Variants in NUP214 observed in about 807,000 individuals in gnomAD.
NUP214 encodes the protein nuclear pore complex protein Nup214.
In NUP214, 79 loss-of-function variants were observed where a neutral mutation model predicts 196.2. The ratio of observed to expected loss-of-function variants is 0.40; its 90% CI spans 0.34 to 0.49. The LOEUF is 0.49. Ranked by LOEUF, NUP214 falls within the 20% of genes least tolerant of loss-of-function variation. The pLI is 0.58. For missense variants in NUP214, 2,468 were observed against 2,539.0 expected (o/e 0.97, Z 0.60); for synonymous variants, 1,020 against 990.5 (o/e 1.03, Z -0.56).
intron 14 of NUP214, among the ~76,000 whole-genome samples, chr9:131,149,145 AC>A (rs1832176812): frequency 7.6e-6 from 1 of 131,934 alleles, no homozygotes; most frequent in African/African-American, 2.8e-5. Context: ...CCTCTAACCA[AC>A]CCTTGTACCC....
intron 24 of NUP214, among the ~76,000 whole-genome samples, chr9:131,182,174 G>T (rs954428746): frequency 3.3e-5 from 5 of 152,172 alleles, no homozygotes; most frequent in African/African-American, 9.7e-5. Context: ...CTTAAAAATG[G>T]TTACTTTTAA....
rs934492557 is a variant in NUP214 at position 131,146,884 on chromosome 9, C to G, written c.1945+580C>G. Among the ~76,000 whole-genome samples, 10 of 150,946 alleles carry G rather than the reference C, an allele frequency of 6.6e-5. No individual in the cohort carries two copies. Among genetic ancestry groups the G allele is most frequent in the Admixed American group, 5.3e-4 (8 of 15,206 alleles). ...GGCAGAGATTGCAGGGAGTCGAGAT[C>G]ACGCCACTGCTCTCCAGCCTGGCGA... is the stretch of plus-strand genomic sequence containing the variant. On this transcript the variant is annotated intron_variant, in intron 13 of 35. Coordinates refer to ENST00000359428, the MANE Select transcript of NUP214 (RefSeq NM_005085.4). The surrounding 1 kb of genome is among the most constrained non-coding windows in gnomAD (Gnocchi z 4.6).
At position 131,125,849 on chromosome 9, in the gene NUP214, C is replaced by T; in HGVS notation, c.45+100C>T. The T allele has an allele frequency of 7.2e-7, 1 of 1,382,566 alleles. No individual in the cohort carries two copies. Among genetic ancestry groups the T allele is most frequent in the South Asian group, 1.3e-5 (1 of 79,310 alleles). The allele number at this position is 1,382,566 out of a possible 1,614,324, so 85.6% of individuals were successfully genotyped here. On this transcript the variant is annotated intron_variant, in intron 1 of 35. Coordinates refer to ENST00000359428, the MANE Select transcript of NUP214 (RefSeq NM_005085.4). This position sits in a 1 kb window ranked among gnomAD's most constrained non-coding sequence, Gnocchi z 4.1. ...GCGGTGCTGGCTGTCCCGCCTCCTG[C>T]TTGAACAGTTTACCGCGTTCACAGC... is the stretch of plus-strand genomic sequence containing the variant.
chr9:131,187,383 C>CTTTTTTTTTTTTTTTTTTTTTTTTGT lies in NUP214; in HGVS notation c.3495+40_3495+41insTTTGTTTTTTTTTTTTTTTTTTTTTT. 9.5e-7 allele frequency: 1 copy of CTTTTTTTTTTTTTTTTTTTTTTTTGT among 1,056,482 alleles called. No homozygotes were observed. The highest frequency in any genetic ancestry group is 1.3e-6 in the Non-Finnish European group (1 of 769,276). 65.4% of individuals were successfully genotyped at this position (1,056,482 alleles called of 1,614,324 possible). On this transcript the variant is annotated intron_variant, in intron 25 of 35. Coordinates refer to ENST00000359428, the MANE Select transcript of NUP214 (RefSeq NM_005085.4). ...CAAGCAGGTAACTTACTGATTTTTA[C>CTTTTTTTTTTTTTTTTTTTTTTTTGT]TTTTTTTTTTTTTTTTTTTTTGAGA...
chr9:131,201,572 A>G, intron 29 of NUP214, 75 bp from the exon 30 acceptor site: 1 of 1,304,772 alleles, frequency 7.7e-7, no homozygotes, highest in East Asian at 2.3e-5. Flanking sequence ...TCAAAAAAAA[A>G]AAACAACAAA....
At chr9:131,161,721 CAT>C (rs751611078) in intron 18 of NUP214, among the ~76,000 whole-genome samples, 2 of 152,186 alleles carry the variant, frequency 1.3e-5, no homozygotes, top group Non-Finnish European at 2.9e-5. Context: ...GCAAAATATA[CAT>C]AGAGTCACTT....
chr9:131,175,675 C>T, intron 23 of NUP214, 54 bp downstream of exon 23: 1 of 1,582,796 alleles, frequency 6.3e-7, no homozygotes, highest in South Asian at 1.1e-5. Flanking sequence ...CTGTCTGAGT[C>T]ACAGGCCAGG....
chr9:131,214,703 A>G (rs1468959123), intron 30 of NUP214, among the ~76,000 whole-genome samples: 1 of 152,232 alleles, frequency 6.6e-6, no homozygotes, highest in East Asian at 1.9e-4. Flanking sequence ...CAATGAAGCT[A>G]ATTTAAGCTT....
intron 32 of NUP214, among the ~76,000 whole-genome samples, chr9:131,225,725 G>A (rs936223396): frequency 5.9e-5 from 9 of 152,202 alleles, no homozygotes; most frequent in African/African-American, 1.7e-4. Flanking sequence ...CCGAGCAGAA[G>A]GAAGGGCTGC....
rs146374719 is a variant in NUP214 at position 131,131,777 on chromosome 9, C to T, written c.664-819C>T. ...CGTAATGGTTCACTGCAGCCTCAGC[C>T]TCCTGGGCTCAGGTGATCCTTCCAC... On this transcript the variant is annotated intron_variant, in intron 5 of 35. Transcript: ENST00000359428. Among the ~76,000 whole-genome samples, 3 of 152,156 alleles carry T rather than the reference C, an allele frequency of 2.0e-5. No individual in the cohort carries two copies. The East Asian group carries it at 5.8e-4, about 29-fold the overall frequency.
chr9:131,178,343 A>G lies in NUP214; in HGVS notation c.3352A>G (p.Asn1118Asp), dbSNP rs1833173337. The change falls in exon 24 of 36, where the codon AAT becomes GAT. Residue 1118 changes from asparagine to aspartate, a missense_variant. Coordinates refer to ENST00000359428, the MANE Select transcript of NUP214 (RefSeq NM_005085.4). ...VNTLTESTLK[N>D]VPQVVNVQEL... ...CACTTTGACTGAATCAACGTTGAAG[A>G]ATGTCCCTCAAGTGGTAAATGTGCA... 63 of 1,613,936 alleles carry G rather than the reference A, an allele frequency of 3.9e-5. No homozygotes were observed. Among genetic ancestry groups the G allele is most frequent in the Non-Finnish European group, 5.3e-5 (63 of 1,179,814 alleles).
intron 32 of NUP214, among the ~76,000 whole-genome samples, chr9:131,227,575 C>T (rs1385408707): frequency 1.3e-5 from 2 of 152,124 alleles, no homozygotes; most frequent in Admixed American, 1.3e-4. Flanking sequence ...TAAAAAGCAC[C>T]TGGCTGGGCG....
rs148259408 is a variant in NUP214 at position 131,159,628 on chromosome 9, C to T, written c.2540+142C>T. 23 of 690,062 alleles carry T rather than the reference C, an allele frequency of 3.3e-5. No homozygotes were observed. The East Asian group carries it at 5.1e-4, about 15-fold the overall frequency. 42.7% of individuals were successfully genotyped at this position (690,062 alleles called of 1,614,324 possible). On this transcript the variant is annotated intron_variant, in intron 18 of 35. Transcript: ENST00000359428. ...ATCCCAGCACTTTGGCAGGCCGAGG[C>T]GAGTGGATCACCTGAGATCGGGAGT...
chr9:131,199,364 G>T (rs1833884083), intron 29 of NUP214, among the ~76,000 whole-genome samples: 1 of 152,118 alleles, frequency 6.6e-6, no homozygotes, highest in South Asian at 2.1e-4. Flanking sequence ...GCACTGTAGA[G>T]ATCATTATAC....
chr9:131,163,381 T>A (rs1832698147), intron 19 of NUP214: 3 of 540,724 alleles, frequency 5.5e-6, no homozygotes, highest in Non-Finnish European at 6.4e-6. Flanking sequence ...TGTTGGAGAG[T>A]TAAATTAAGT....
Position 131,144,719 on chromosome 9 carries a change from C to T in NUP214, c.1734C>T (p.Pro578=), listed in dbSNP as rs200571467. The T allele has an allele frequency of 7.2e-5, 116 of 1,611,832 alleles. No individual in the cohort carries two copies. The highest frequency in any genetic ancestry group is 9.5e-5 in the Non-Finnish European group (112 of 1,178,928). ...PNIAMKPSFP[P]STSAVKVNLS... ...TAGCAATGAAGCCCTCCTTCCCACC[C>T]TCAACCTCTGCTGTCAAAGTCAACC... is the stretch of plus-strand genomic sequence containing the variant. The change falls in exon 12 of 36, where the codon CCC becomes CCT. Residue 578 remains proline (P), a synonymous_variant. Transcript: ENST00000359428.
chr9:131,132,093 G>A (rs976476433), intron 5 of NUP214, among the ~76,000 whole-genome samples: 112 of 146,062 alleles, frequency 7.7e-4, no homozygotes, highest in Non-Finnish European at 1.1e-3. Flanking sequence ...ATGTTCATGC[G>A]TTCATGCGTT....
At chr9:131,133,341 G>A in intron 7 of NUP214, 132 bp downstream of exon 7, 2 of 549,310 alleles carry the variant, frequency 3.6e-6, no homozygotes, top group Non-Finnish European at 6.0e-6. Context: ...ATCTCACTCT[G>A]TCGCCCAGGC....
At chr9:131,157,545 A>AGTTCTCCTG (rs1832494445) in intron 17 of NUP214, among the ~76,000 whole-genome samples, 1 of 148,656 alleles carries the variant, frequency 6.7e-6, no homozygotes, top group East Asian at 2.0e-4. Context: ...GCTCACTGCA[A>AGTTCTCCTG]CCTCAGCCTC....
Sources: gnomAD v4.1 joint callset for allele counts (sites outside exome capture counted in the v4.1 genomes callset) on GRCh38, gnomAD v4.1.1 for gene constraint, Gnocchi (gnomAD v3.1) non-coding constraint, MANE v1.5 for transcripts, NCBI Gene and HGNC (gene_info 2026-07-23, HGNC 2026-07-21) for gene names.